Variants in RYR2 observed in about 807,000 individuals in gnomAD.
The protein encoded by RYR2 is ryanodine receptor 2.
In RYR2, 227 loss-of-function variants were observed where a neutral mutation model predicts 601.1. The observed-to-expected ratio is 0.38, with a 90% confidence interval of 0.34 to 0.42. The LOEUF is 0.42. Ranked by LOEUF, RYR2 falls within the 10% of genes least tolerant of loss-of-function variation. The pLI is 1.00. For synonymous variants in RYR2, 2,223 were observed against 2,175.1 expected (o/e 1.02, Z -0.61); for missense variants, 4,646 against 6,156.5 (o/e 0.75, Z 8.21).
At position 237,462,871 on chromosome 1, in the gene RYR2, G is replaced by A. The variant is rs531703284; in HGVS notation, c.1612+6136G>A. 7.9e-5 allele frequency among the ~76,000 whole-genome samples: 12 copies of A among 152,192 alleles called. No homozygotes were observed. The East Asian group carries it at 2.1e-3, about 27-fold the overall frequency. ...TTGTTCTTCAGGAAGTCTCAGAAAC[G>A]TATCGTATAAACAAGACACATCCTT... On this transcript the variant is annotated intron_variant, in intron 16 of 104. Transcript: ENST00000366574.
chr1:237,783,559 G>A, intron 89 of RYR2, 116 bp from the exon 90 acceptor site: 2 of 644,768 alleles, frequency 3.1e-6, no homozygotes, highest in Non-Finnish European at 5.4e-6. Flanking sequence ...TAGAGTGAGA[G>A]ATAAACAGGG....
At chr1:237,187,443 C>CTTTTTTTTTTTTTTTTTTT (rs10686110) in intron 1 of RYR2, among the ~76,000 whole-genome samples, 2 of 86,762 alleles carry the variant, frequency 2.3e-5, no homozygotes, top group African/African-American at 8.9e-5. Context: ...GCCCGGCCGA[C>CTTTTTTTTTTTTTTTTTTT]TTTTTTTTTT....
At chr1:237,143,472 A>G (rs1673612587) in intron 1 of RYR2, among the ~76,000 whole-genome samples, 2 of 152,206 alleles carry the variant, frequency 1.3e-5, no homozygotes, top group Admixed American at 6.5e-5. Context: ...TGCCTACAGC[A>G]GCCAGTGGCT....
At chr1:237,468,336 A>T (rs1660312217) in intron 16 of RYR2, among the ~76,000 whole-genome samples, 1 of 152,220 alleles carries the variant, frequency 6.6e-6, no homozygotes, top group Admixed American at 6.5e-5. Context: ...TGATTTTGAA[A>T]AATTAAAAGT....
intron 1 of RYR2, chr1:237,121,009 C>T (rs1049647127): frequency 6.7e-5 from 10 of 149,392 alleles, no homozygotes; most frequent in African/African-American, 2.5e-4. Context: ...TGCTGGAACC[C>T]CCAACTACAG....
chr1:237,382,466 T>C (rs1325065815), intron 8 of RYR2, among the ~76,000 whole-genome samples: 4 of 152,042 alleles, frequency 2.6e-5, no homozygotes, highest in Non-Finnish European at 2.9e-5. Context: ...CATGTTGGTG[T>C]GCTGCACCCA....
intron 2 of RYR2, among the ~76,000 whole-genome samples, chr1:237,326,424 T>C (rs947046999): frequency 6.6e-6 from 1 of 152,224 alleles, no homozygotes; most frequent in Non-Finnish European, 1.5e-5. Flanking sequence ...TAGGCACTAT[T>C]CTGGGTAGAA....
chr1:237,195,726 T>G (rs1680490123), intron 1 of RYR2, among the ~76,000 whole-genome samples: 1 of 152,188 alleles, frequency 6.6e-6, no homozygotes, highest in Admixed American at 6.5e-5. Flanking sequence ...TACCCTTGGG[T>G]TAGCTATTTG....
At position 237,726,282 on chromosome 1, in the gene RYR2, CGT is replaced by C; in HGVS notation, c.10703_10704del (p.Val3568GlyfsTer15). ...TTTTTATTTCTTTCAGAAGTCTAAA[CGT>C]GTGGGTCGGAGACATTACTGTCTGG... ...VLFHLEQKSK[R>X]VGRRHYCLVE... is the part of the protein sequence containing the mutation. On this transcript the variant is annotated frameshift_variant, in exon 75 of 105. Transcript: ENST00000366574. LOFTEE classifies it high-confidence loss of function. The C allele has an allele frequency of 6.3e-7, 1 of 1,585,200 alleles. No individual in the cohort carries two copies. Among genetic ancestry groups the C allele is most frequent in the African/African-American group, 1.3e-5 (1 of 74,444 alleles).
chr1:237,493,748 A>C (rs528702638), intron 19 of RYR2, among the ~76,000 whole-genome samples: 1 of 152,172 alleles, frequency 6.6e-6, no homozygotes, highest in Admixed American at 6.5e-5. Context: ...CACTGCGCCC[A>C]GCCCCTTCAA....
chr1:237,647,845 T>C (rs760561317), intron 48 of RYR2, among the ~76,000 whole-genome samples: 20 of 152,326 alleles, frequency 1.3e-4, no homozygotes, highest in Admixed American at 3.9e-4. Flanking sequence ...GGAGTGACTA[T>C]AAGGAATTCA....
intron 80 of RYR2, among the ~76,000 whole-genome samples, chr1:237,750,530 T>G (rs1005976137): frequency 5.3e-5 from 8 of 150,848 alleles, no homozygotes; most frequent in Non-Finnish European, 8.9e-5. Context: ...TTCATAAATT[T>G]CATAAAGTTC....
intron 101 of RYR2, among the ~76,000 whole-genome samples, chr1:237,827,383 C>A (rs933140981): frequency 3.4e-4 from 51 of 152,096 alleles, no homozygotes; most frequent in Non-Finnish European, 8.8e-5. Context: ...GCCTGTAATC[C>A]TACCACTTTG....
intron 1 of RYR2, among the ~76,000 whole-genome samples, chr1:237,212,070 G>GT (rs1160642226): frequency 2.6e-5 from 3 of 114,898 alleles, no homozygotes; most frequent in African/African-American, 8.2e-5. Context: ...CATCTCTCTT[G>GT]TTTTTGACTT....
chr1:237,127,555 C>CG (rs1383370024), intron 1 of RYR2, among the ~76,000 whole-genome samples: 2 of 147,124 alleles, frequency 1.4e-5, no homozygotes, highest in Non-Finnish European at 3.0e-5. Context: ...GCTGGCCTGG[C>CG]GGGGGGCTGA....
At chr1:237,499,135 C>T (rs1176127119) in intron 20 of RYR2, among the ~76,000 whole-genome samples, 1 of 151,838 alleles carries the variant, frequency 6.6e-6, no homozygotes, top group Non-Finnish European at 1.5e-5. Flanking sequence ...GGATAGAGCA[C>T]CTTCTCTGCC....
In RYR2 at chr1:237,593,479, T is replaced by C; in HGVS notation, c.4279T>C (p.Tyr1427His). 1 of 1,612,500 alleles carries C rather than the reference T, an allele frequency of 6.2e-7. No homozygotes were observed. The highest frequency in any genetic ancestry group is 1.3e-5 in the African/African-American group (1 of 74,986). ...TTTGGTTCTGCTATCTTCACAGTAC[T>C]ATTACTCAGTGAGAATCTTTCCTGG... ...YDFLMQTSTY[Y>H]YSVRIFPGQE... The change falls in exon 33 of 105, where the codon TAT (tyrosine) becomes CAT (histidine). Residue 1427 changes from tyrosine to histidine, a missense_variant. This residue lies in a region of RYR2 where 1,807 missense variants were observed against 2,088.1 expected (regional missense o/e 0.87). Transcript: ENST00000366574.
At chr1:237,491,446 A>G (rs1663328884) in intron 17 of RYR2, among the ~76,000 whole-genome samples, 1 of 152,134 alleles carries the variant, frequency 6.6e-6, no homozygotes, top group Admixed American at 6.6e-5. Context: ...TTACTCATGC[A>G]CATACTGCCC....
At chr1:237,430,339 T>C (rs1043943949) in intron 12 of RYR2, among the ~76,000 whole-genome samples, 9 of 151,608 alleles carry the variant, frequency 5.9e-5, no homozygotes, top group African/African-American at 2.2e-4. Context: ...TACTCAACAT[T>C]TTGAGTTGTA....
Sources: gnomAD v4.1 joint callset for allele counts (sites outside exome capture counted in the v4.1 genomes callset) on GRCh38, gnomAD v4.1.1 for gene constraint, gnomAD v4.1.1 regional missense constraint, MANE v1.5 for transcripts, NCBI Gene and HGNC (gene_info 2026-07-23, HGNC 2026-07-21) for gene names.